The following AMOTL1 variants were observed in gnomAD, a reference collection of about 807,000 sequenced individuals.
The protein encoded by AMOTL1 is angiomotin like 1.
A neutral mutation model predicts 102.9 loss-of-function variants in AMOTL1; 45 were observed. The observed-to-expected ratio is 0.44, with a 90% CI of 0.34 to 0.56. AMOTL1 has a LOEUF of 0.56. Ranked by LOEUF, AMOTL1 falls within the 20% of genes least tolerant of loss-of-function variation. The probability of loss-of-function intolerance (pLI) is 0.01; values close to 1 mark genes in which losing one functional copy is unlikely to be tolerated. For missense variants in AMOTL1, 1,114 were observed against 1,225.6 expected, an observed-to-expected ratio of 0.91 and a Z score of 1.36; for synonymous variants, 481 against 484.7, an observed-to-expected ratio of 0.99 and a Z score of 0.10.
intron 2 of AMOTL1, among the ~76,000 whole-genome samples, chr11:94,732,077 TCCC>T (rs1950363127): frequency 6.6e-6 from 1 of 152,170 alleles, no homozygotes; most frequent in East Asian, 1.9e-4. Context: ...ACACTCCATT[TCCC>T]TACCTCACCT....
At chr11:94,814,601 G>A (rs1951735597) in intron 3 of AMOTL1, among the ~76,000 whole-genome samples, 1 of 152,150 alleles carries the variant, frequency 6.6e-6, no homozygotes, top group Non-Finnish European at 1.5e-5. Context: ...GGCTTGCAAA[G>A]ATAATGTTAT....
intron 1 of AMOTL1, among the ~76,000 whole-genome samples, chr11:94,710,705 A>G (rs189723212): frequency 3.3e-4 from 50 of 152,334 alleles, no homozygotes; most frequent in African/African-American, 1.2e-3. Flanking sequence ...AAATACTTAT[A>G]TCACACTGAA....
At position 94,873,776 on chromosome 11, in the gene AMOTL1, T is replaced by TACACACAC. The variant is rs149500556; in HGVS notation, c.*3011_*3018dup. 0.057 allele frequency: 8,078 copies of TACACACAC among 142,440 alleles called. 378 individuals are homozygous for TACACACAC. Among genetic ancestry groups the TACACACAC allele is most frequent in the East Asian group, 0.19 (943 of 4,908 alleles). 8.8% of individuals were successfully genotyped at this position (142,440 alleles called of 1,614,324 possible). ...TGTGATGTGTGTGTGCACGTGTAAC[T>TACACACAC]ACACACACACACACACACACACACA... On this transcript the variant is annotated 3_prime_UTR_variant, in exon 13 of 13. Transcript: ENST00000433060.
At chr11:94,814,907 A>G (rs531687776) in intron 3 of AMOTL1, among the ~76,000 whole-genome samples, 20 of 152,318 alleles carry the variant, frequency 1.3e-4, no homozygotes, top group African/African-American at 4.6e-4. Context: ...TATAATTATT[A>G]TCATTGTATC....
chr11:94,770,461 G>T (rs1397193307), intron 1 of AMOTL1, among the ~76,000 whole-genome samples: 1 of 152,076 alleles, frequency 6.6e-6, no homozygotes, highest in Non-Finnish European at 1.5e-5. Flanking sequence ...GGTGGGGGTT[G>T]GGGGGAGGGA....
chr11:94,773,029 C>CT (rs1413389587), intron 1 of AMOTL1, among the ~76,000 whole-genome samples: 1 of 152,180 alleles, frequency 6.6e-6, no homozygotes, highest in Non-Finnish European at 1.5e-5. Context: ...GGCGAAATAA[C>CT]TATTCATGCC....
At chr11:94,749,545 A>G (rs993522313) in intron 3 of AMOTL1, among the ~76,000 whole-genome samples, 3 of 152,160 alleles carry the variant, frequency 2.0e-5, no homozygotes, top group African/African-American at 7.2e-5. Context: ...ACTAACCATC[A>G]CAGGGATGGT....
intron 6 of AMOTL1, among the ~76,000 whole-genome samples, chr11:94,840,299 T>C (rs1952270256): frequency 6.6e-6 from 1 of 152,172 alleles, no homozygotes; most frequent in African/African-American, 2.4e-5. Context: ...TCAGAGAACT[T>C]TTGAGGGGAC....
intron 3 of AMOTL1, among the ~76,000 whole-genome samples, chr11:94,756,875 G>A (rs1950732078): frequency 6.6e-6 from 1 of 152,034 alleles, no homozygotes; most frequent in South Asian, 2.1e-4. Flanking sequence ...GTGGCATTGT[G>A]GGACCATTAG....
At chr11:94,833,567 C>G (rs919190455) in intron 6 of AMOTL1, among the ~76,000 whole-genome samples, 1 of 152,162 alleles carries the variant, frequency 6.6e-6, no homozygotes, top group African/African-American at 2.4e-5. Flanking sequence ...ATACCTTTTA[C>G]CCTCCCAGGT....
chr11:94,843,879 T>C (rs952606023), intron 6 of AMOTL1, among the ~76,000 whole-genome samples: 2 of 152,164 alleles, frequency 1.3e-5, no homozygotes, highest in Admixed American at 6.5e-5. Context: ...TTAGGAAGCA[T>C]TGGCCTCTTC....
intron 1 of AMOTL1, among the ~76,000 whole-genome samples, chr11:94,707,236 CTCTCTCTCTCTCTCTGTGTGTG>C (rs1182105455): frequency 8.5e-5 from 12 of 140,926 alleles, no homozygotes; most frequent in African/African-American, 1.1e-4. Flanking sequence ...CTCTCTCTCT[CTCTCTCTCTCTCTCTGTGTGTG>C]TGTGTGTGTG....
intron 3 of AMOTL1, among the ~76,000 whole-genome samples, chr11:94,814,651 G>C (rs181849939): frequency 6.6e-6 from 1 of 152,176 alleles, no homozygotes; most frequent in East Asian, 1.9e-4. Context: ...CAAGTAATGG[G>C]GACACAAAGA....
chr11:94,792,832 C>A (rs1266464802), intron 1 of AMOTL1, among the ~76,000 whole-genome samples: 1 of 152,140 alleles, frequency 6.6e-6, no homozygotes. Flanking sequence ...AAAGGCATAT[C>A]TTTGGTGTCC....
intron 2 of AMOTL1, chr11:94,797,149 C>T (rs962747930): frequency 8.1e-6 from 3 of 372,108 alleles, no homozygotes; most frequent in South Asian, 1.1e-4. Context: ...ACACATGAAA[C>T]ATAGAGCCAT....
chr11:94,813,689 T>A (rs10444211), intron 3 of AMOTL1, among the ~76,000 whole-genome samples: 35,306 of 152,094 alleles, frequency 0.23, 4,749 homozygotes, highest in East Asian at 0.46. Context: ...TCGTCCCATG[T>A]GTACAAGGAA....
At chr11:94,804,502 GGCTGGTCTTGA>G in intron 3 of AMOTL1, among the ~76,000 whole-genome samples, 1 of 152,222 alleles carries the variant, frequency 6.6e-6, no homozygotes, top group Middle Eastern at 3.4e-3. Context: ...ATGTTGGCAA[GGCTGGTCTTGA>G]ACTCCTGGGC....
At chr11:94,735,267 C>A (rs140563401) in intron 2 of AMOTL1, among the ~76,000 whole-genome samples, 13 of 152,320 alleles carry the variant, frequency 8.5e-5, no homozygotes, top group African/African-American at 2.9e-4. Flanking sequence ...CAGCTGGAGT[C>A]CCTGCACACT....
intron 6 of AMOTL1, among the ~76,000 whole-genome samples, chr11:94,846,321 T>A (rs1041818722): frequency 1.3e-5 from 2 of 152,234 alleles, no homozygotes; most frequent in African/African-American, 4.8e-5. Context: ...ACTCACCTCA[T>A]AGCCCTAGAA....
Sources: allele counts gnomAD v4.1 joint callset (sites outside exome capture counted in the v4.1 genomes callset), GRCh38; gene constraint gnomAD v4.1.1; transcripts MANE v1.5; gene names NCBI Gene and HGNC (gene_info 2026-07-23, HGNC 2026-07-21).